CSMD1: variants seen among roughly 807,000 people sequenced by gnomAD.
CSMD1 encodes the protein CUB and Sushi multiple domains 1.
CSMD1 carries 213 observed loss-of-function variants against 417.5 expected under a neutral mutation model. The ratio of observed to expected loss-of-function variants is 0.51; its 90% CI spans 0.46 to 0.57. The LOEUF is 0.57. CSMD1 is among the 20% of genes least tolerant of loss of function. CSMD1 has a pLI of 0.00. For synonymous variants in CSMD1, 2,862 were observed against 1,736.8 expected, an observed-to-expected ratio of 1.65 and a Z score of -16.11; for missense variants, 6,923 against 4,529.7, an observed-to-expected ratio of 1.53 and a Z score of -15.17.
chr8:3,727,465 T>C (rs1802560028), intron 6 of CSMD1, among the ~76,000 whole-genome samples: 3 of 152,174 alleles, frequency 2.0e-5, no homozygotes, highest in Admixed American at 2.0e-4. Context: ...AATGTGTGCA[T>C]TAAAAATGAA....
chr8:3,605,465 T>C (rs1801567496), intron 8 of CSMD1, among the ~76,000 whole-genome samples: 1 of 152,138 alleles, frequency 6.6e-6, no homozygotes, highest in Non-Finnish European at 1.5e-5. Flanking sequence ...TAACTATAAA[T>C]AAAATTATCA....
At chr8:4,086,146 A>T (rs1383281127) in intron 3 of CSMD1, among the ~76,000 whole-genome samples, 2 of 152,184 alleles carry the variant, frequency 1.3e-5, no homozygotes, top group Non-Finnish European at 2.9e-5. Context: ...TTTAAGTTGC[A>T]ATTTTTTTCA....
At chr8:4,205,780 A>T (rs1455455750) in intron 3 of CSMD1, among the ~76,000 whole-genome samples, 3 of 152,192 alleles carry the variant, frequency 2.0e-5, no homozygotes, top group African/African-American at 7.2e-5. Flanking sequence ...GAAGAAATAG[A>T]TGCCTGTGTT....
intron 1 of CSMD1, among the ~76,000 whole-genome samples, chr8:4,829,321 A>G (rs957611472): frequency 2.0e-5 from 3 of 152,174 alleles, no homozygotes; most frequent in African/African-American, 4.8e-5. Flanking sequence ...ATATTAATCT[A>G]TGTTTTCATT....
At chr8:4,497,425 C>G (rs763707951) in intron 2 of CSMD1, among the ~76,000 whole-genome samples, 3 of 152,190 alleles carry the variant, frequency 2.0e-5, no homozygotes, top group Non-Finnish European at 4.4e-5. Flanking sequence ...GAAATATTAA[C>G]CGCTTTTCAA....
intron 1 of CSMD1, among the ~76,000 whole-genome samples, chr8:4,656,794 C>G (rs1033603394): frequency 6.6e-6 from 1 of 151,958 alleles, no homozygotes; most frequent in African/African-American, 2.4e-5. Flanking sequence ...GACCGTCCTG[C>G]GGGGATTCTC....
chr8:3,060,844 T>A (rs537934264), intron 49 of CSMD1, among the ~76,000 whole-genome samples: 2 of 152,214 alleles, frequency 1.3e-5, no homozygotes, highest in Middle Eastern at 3.4e-3. Context: ...TGGAGCAGAG[T>A]CATGCCATTT....
chr8:4,285,385 T>C (rs962485951), intron 3 of CSMD1, among the ~76,000 whole-genome samples: 3 of 152,196 alleles, frequency 2.0e-5, no homozygotes, highest in Non-Finnish European at 2.9e-5. Context: ...TAGAGGGAAA[T>C]GAATTTGTGG....
At chr8:3,850,674 G>C (rs565587366) in intron 5 of CSMD1, among the ~76,000 whole-genome samples, 1 of 152,140 alleles carries the variant, frequency 6.6e-6, no homozygotes, top group African/African-American at 2.4e-5. Flanking sequence ...CAGCCTGGGT[G>C]ACAGAGTGCG....
chr8:3,542,067 G>A (rs182361199), intron 10 of CSMD1, among the ~76,000 whole-genome samples: 4 of 152,086 alleles, frequency 2.6e-5, no homozygotes, highest in South Asian at 4.2e-4. Flanking sequence ...ATGTGCACCC[G>A]TATTATTTAT....
chr8:4,774,795 G>A (rs772983695), intron 1 of CSMD1, among the ~76,000 whole-genome samples: 17 of 152,100 alleles, frequency 1.1e-4, no homozygotes, highest in South Asian at 4.2e-4. Context: ...GCACCTCCCC[G>A]CCAACCCCCA....
Position 4,466,376 on chromosome 8 carries a change from T to C in CSMD1, c.303-46311A>G, listed in dbSNP as rs79234293. On this transcript the variant is annotated intron_variant, in intron 2 of 69. Coordinates refer to ENST00000635120, the MANE Select transcript of CSMD1 (RefSeq NM_033225.6). ...TTGACAAGGACTAGCCATGGAGATG[T>C]ATCGGGGAGTTGAAGAAAAAACAAA... is the stretch of plus-strand genomic sequence containing the variant. Among the ~76,000 whole-genome samples, 153 of 152,204 alleles carry C rather than the reference T, an allele frequency of 1.0e-3. 1 individual carries two copies. The East Asian group carries it at 0.022, about 22-fold the overall frequency.
chr8:3,750,566 T>G (rs972297624), intron 6 of CSMD1, among the ~76,000 whole-genome samples: 46 of 152,160 alleles, frequency 3.0e-4, no homozygotes, highest in African/African-American at 9.4e-4. Context: ...TTTAATGTAT[T>G]TAGTTCAGAT....
At position 3,201,220 on chromosome 8, in the gene CSMD1, C is replaced by G. The variant is rs534081846; in HGVS notation, c.5098+392G>C. Among the ~76,000 whole-genome samples, 6 of 152,230 alleles carry G rather than the reference C, an allele frequency of 3.9e-5. 1 individual carries two copies. The highest frequency in any genetic ancestry group is 1.4e-4 in the African/African-American group (6 of 41,548). On this transcript the variant is annotated intron_variant, in intron 32 of 69. Transcript: ENST00000635120. ...CATGTGTGGCTATTAATGGGTCTCT[C>G]TATGTAGGACTTACAGGCTTAGAAT...
At chr8:3,967,736 G>C (rs771777269) in intron 5 of CSMD1, among the ~76,000 whole-genome samples, 4 of 152,038 alleles carry the variant, frequency 2.6e-5, no homozygotes, top group East Asian at 1.9e-4. Flanking sequence ...TCCAACAAAG[G>C]CCAAGAAGAA....
At chr8:3,820,717 A>C (rs554300556) in intron 5 of CSMD1, among the ~76,000 whole-genome samples, 1 of 152,152 alleles carries the variant, frequency 6.6e-6, no homozygotes, top group South Asian at 2.1e-4. Flanking sequence ...CTGGGACTAC[A>C]GGCATGCGCC....
At chr8:4,183,462 A>T (rs1310941209) in intron 3 of CSMD1, among the ~76,000 whole-genome samples, 1 of 152,218 alleles carries the variant, frequency 6.6e-6, no homozygotes, top group Non-Finnish European at 1.5e-5. Context: ...CCTCAATGAC[A>T]TGTTCTTCAA....
intron 2 of CSMD1, among the ~76,000 whole-genome samples, chr8:4,512,955 A>T (rs1585185814): frequency 6.6e-6 from 1 of 152,180 alleles, no homozygotes; most frequent in East Asian, 1.9e-4. Flanking sequence ...GAAACAGCAA[A>T]ATTAGGGAAA....
chr8:4,336,594 A>G (rs1800187075), intron 3 of CSMD1, among the ~76,000 whole-genome samples: 1 of 152,144 alleles, frequency 6.6e-6, no homozygotes, highest in Non-Finnish European at 1.5e-5. Flanking sequence ...AATTTATTTT[A>G]CACACACAAA....
Sources: allele counts gnomAD v4.1 joint callset (sites outside exome capture counted in the v4.1 genomes callset), GRCh38; gene constraint gnomAD v4.1.1; transcripts MANE v1.5; gene names NCBI Gene and HGNC (gene_info 2026-07-23, HGNC 2026-07-21).